The following IGBP1C variants were observed in gnomAD, a reference collection of about 807,000 sequenced individuals.
The protein encoded by IGBP1C is IGBP1 family member C.
At chr17:58,690,715 TTTTGGCCAG>T in the IGBP1C span, among the ~76,000 whole-genome samples, 1 of 152,184 alleles carries the variant, frequency 6.6e-6, no homozygotes, top group East Asian at 1.9e-4. Context: ...GCCAACCACA[TTTTGGCCAG>T]TCCTACAAGA....
the IGBP1C span, chr17:58,660,894 G>C: frequency 2.4e-6 from 2 of 820,002 alleles, no homozygotes; most frequent in Non-Finnish European, 4.4e-6. Context: ...CTCTTCTGGT[G>C]ACATGAGTTA....
chr17:58,666,489 C>CAAAAAAAAAAAAAAAAAAAAAAAAAAAA, the IGBP1C span: 3 of 46,732 alleles, frequency 6.4e-5, no homozygotes. Flanking sequence ...AAAAAAAAAG[C>CAAAAAAAAAAAAAAAAAAAAAAAAAAAA]AAAAGCTAAT....
At chr17:58,685,934 G>A in the IGBP1C span, among the ~76,000 whole-genome samples, 1 of 145,694 alleles carries the variant, frequency 6.9e-6, no homozygotes, top group African/African-American at 2.6e-5. Flanking sequence ...GGTGGAGGTT[G>A]CAGTGAGCCG....
the IGBP1C span, among the ~76,000 whole-genome samples, chr17:58,683,746 G>A: frequency 7.8e-6 from 1 of 129,030 alleles, no homozygotes; most frequent in Non-Finnish European, 1.6e-5. Context: ...CTGGGCGACA[G>A]AGCAAGACTC....
the IGBP1C span, chr17:58,661,570 C>T: frequency 1.4e-6 from 1 of 737,920 alleles, no homozygotes; most frequent in Non-Finnish European, 2.5e-6. Flanking sequence ...GCCGCGGCGG[C>T]GGCAGGAACT....
the IGBP1C span, among the ~76,000 whole-genome samples, chr17:58,690,303 A>C: frequency 2.0e-5 from 3 of 152,052 alleles, no homozygotes; most frequent in Non-Finnish European, 2.9e-5. Context: ...AGTAGCTGGG[A>C]CTAGAGGCAT....
chr17:58,670,948 G>A, the IGBP1C span, among the ~76,000 whole-genome samples: 45 of 152,008 alleles, frequency 3.0e-4, 1 homozygote, highest in South Asian at 6.9e-3. Flanking sequence ...TCAAAACAAC[G>A]TGTACACAAT....
chr17:58,687,206 T>C, the IGBP1C span, among the ~76,000 whole-genome samples: 1 of 152,108 alleles, frequency 6.6e-6, no homozygotes, highest in East Asian at 1.9e-4. Flanking sequence ...GGTTATCCAC[T>C]GCGACATCTA....
At chr17:58,660,612 G>T in the IGBP1C span, 2 of 792,344 alleles carry the variant, frequency 2.5e-6, no homozygotes, top group Non-Finnish European at 4.7e-6. Context: ...TAGCCCCTAG[G>T]GTGGGTGTCC....
chr17:58,680,391 T>C, the IGBP1C span, among the ~76,000 whole-genome samples: 11 of 152,310 alleles, frequency 7.2e-5, no homozygotes, highest in African/African-American at 2.6e-4. Flanking sequence ...CTTTCAAACA[T>C]GCAGCAAATG....
At chr17:58,676,032 G>A in the IGBP1C span, among the ~76,000 whole-genome samples, 11 of 152,202 alleles carry the variant, frequency 7.2e-5, no homozygotes, top group East Asian at 1.9e-3. Context: ...CTGAAGTCAC[G>A]AGTTCGAGAC....
At chr17:58,673,869 C>A in the IGBP1C span, among the ~76,000 whole-genome samples, 1 of 152,160 alleles carries the variant, frequency 6.6e-6, no homozygotes. Context: ...CACGTGGCTT[C>A]TCTCCTTCAT....
At chr17:58,691,037 TACAG>T in the IGBP1C span, among the ~76,000 whole-genome samples, 2 of 152,024 alleles carry the variant, frequency 1.3e-5, no homozygotes, top group Admixed American at 6.6e-5. Context: ...GTACTTTTGG[TACAG>T]ACAGTGTTTC....
At chr17:58,667,345 T>C in the IGBP1C span, among the ~76,000 whole-genome samples, 2 of 152,182 alleles carry the variant, frequency 1.3e-5, no homozygotes, top group African/African-American at 4.8e-5. Flanking sequence ...AAACCTGCAT[T>C]ACTGTCCTTG....
the IGBP1C span, among the ~76,000 whole-genome samples, chr17:58,663,422 CAA>C: frequency 1.4e-4 from 8 of 57,810 alleles, no homozygotes; most frequent in Non-Finnish European, 1.8e-4. Flanking sequence ...AACTCCGTCT[CAA>C]AAAAAAAAAA....
chr17:58,674,188 A>AT, the IGBP1C span, among the ~76,000 whole-genome samples: 1 of 151,794 alleles, frequency 6.6e-6, no homozygotes, highest in East Asian at 1.9e-4. Flanking sequence ...AGGCAGGGGA[A>AT]TTGCTTGAAC....
chr17:58,672,762 C>T, the IGBP1C span, among the ~76,000 whole-genome samples: 2 of 151,288 alleles, frequency 1.3e-5, no homozygotes, highest in Non-Finnish European at 2.9e-5. Context: ...GATGGAGTCT[C>T]GCTCTGTCAC....
chr17:58,661,496 G>C, the IGBP1C span: 1 of 781,158 alleles, frequency 1.3e-6, no homozygotes, highest in Non-Finnish European at 2.4e-6. Context: ...TCGGGAACCG[G>C]TGGGTTCAGT....
the IGBP1C span, among the ~76,000 whole-genome samples, chr17:58,689,653 G>A: frequency 1.3e-5 from 2 of 151,996 alleles, no homozygotes; most frequent in South Asian, 2.1e-4. Context: ...TTCCCTCCCT[G>A]AAAGATTTTT....
Sources: allele counts gnomAD v4.1 joint callset (sites outside exome capture counted in the v4.1 genomes callset), GRCh38; gene constraint gnomAD v4.1.1; transcripts MANE v1.5; gene names NCBI Gene and HGNC (gene_info 2026-07-23, HGNC 2026-07-21).